Variants in CREB3L2 observed in about 807,000 individuals in gnomAD.
CREB3L2 encodes cAMP responsive element binding protein 3 like 2, also known as cyclic AMP-responsive element-binding protein 3-like protein 2.
In CREB3L2, 23 loss-of-function variants were observed where a neutral mutation model predicts 57.2. The ratio of observed to expected loss-of-function variants is 0.40; its 90% confidence interval spans 0.29 to 0.57. CREB3L2 has a LOEUF of 0.57. CREB3L2 is among the 20% of genes least tolerant of loss of function. CREB3L2 has a pLI of 0.42. For synonymous variants in CREB3L2, 268 were observed against 265.1 expected (o/e 1.01, Z -0.11); for missense variants, 628 against 634.7 (o/e 0.99, Z 0.11).
In CREB3L2 at chr7:137,985,713, GA is replaced by G. The variant is rs561766027; in HGVS notation, c.102+15890del. ...CTTGTCTTCCCTCTTGTAACTTAAA[GA>G]GTGCTAACACCTGCTGCCAACCCAC... On this transcript the variant is annotated intron_variant, in intron 1 of 11. Coordinates refer to ENST00000330387, the MANE Select transcript of CREB3L2 (RefSeq NM_194071.4). Among the ~76,000 whole-genome samples, 7 of 152,306 alleles carry G rather than the reference GA, an allele frequency of 4.6e-5. No homozygotes were observed. The South Asian group carries it at 1.5e-3, about 32-fold the overall frequency.
rs182595877 is a variant in CREB3L2 at position 137,887,376 on chromosome 7, C to T, written c.1044-1874G>A. The stretch of plus-strand genomic sequence containing the variant: ...GATAGGAGTGGTGGGTGAATTGGAG[C>T]AGCCCTCAGCACACAGAGTAGATGC... On this transcript the variant is annotated intron_variant, in intron 8 of 11. Transcript: ENST00000330387. 1.5e-3 allele frequency among the ~76,000 whole-genome samples: 225 copies of T among 152,240 alleles called. 5 individuals carry two copies. The East Asian group carries it at 0.037, about 25-fold the overall frequency.
intron 1 of CREB3L2, among the ~76,000 whole-genome samples, chr7:137,967,664 T>C (rs747213997): frequency 1.6e-4 from 25 of 152,300 alleles, no homozygotes; most frequent in Middle Eastern, 3.4e-3. Context: ...CCAAGCCCCA[T>C]GTCTCTGAAC....
rs575936992 is a variant in CREB3L2, at chr7:137,878,562, C to A, written c.*1914G>T. On this transcript the variant is annotated 3_prime_UTR_variant, in exon 12 of 12. Transcript: ENST00000330387. ...GAAGCAGAACCTACTAGCAACCCTCCTCCTGCACAGCTCAGACAGTCTCCG... is the reference window on the plus strand; with the variant it reads ...GAAGCAGAACCTACTAGCAACCCTCATCCTGCACAGCTCAGACAGTCTCCG... 1 of 233,448 alleles carries A rather than the reference C, an allele frequency of 4.3e-6. No individual in the cohort carries two copies. Among genetic ancestry groups the A allele is most frequent in the Non-Finnish European group, 8.4e-6 (1 of 118,364 alleles). The allele number at this position is 233,448 out of a possible 1,614,324, so 14.5% of individuals were successfully genotyped here.
chr7:137,912,269 C>T (rs577713389), intron 4 of CREB3L2, among the ~76,000 whole-genome samples: 21 of 151,426 alleles, frequency 1.4e-4, no homozygotes, highest in African/African-American at 5.1e-4. Flanking sequence ...TGCAGCTTCT[C>T]AGGAGGCTGA....
chr7:137,952,710 A>C (rs752913460), intron 1 of CREB3L2, among the ~76,000 whole-genome samples: 1 of 152,184 alleles, frequency 6.6e-6, no homozygotes, highest in Non-Finnish European at 1.5e-5. Flanking sequence ...CTAACTCTTA[A>C]GTTTTTCCTG....
intron 4 of CREB3L2, among the ~76,000 whole-genome samples, chr7:137,908,795 G>A (rs1170656308): frequency 1.3e-5 from 2 of 152,080 alleles, no homozygotes; most frequent in African/African-American, 2.4e-5. Context: ...CCAACATGGC[G>A]AAACCCCATC....
intron 2 of CREB3L2, 53 bp from the exon 3 acceptor site, chr7:137,916,065 A>G: frequency 1.4e-6 from 2 of 1,445,164 alleles, no homozygotes; most frequent in Non-Finnish European, 1.9e-6. Flanking sequence ...CATCAGGCAT[A>G]AGCAAAACAA....
intron 1 of CREB3L2, among the ~76,000 whole-genome samples, chr7:137,941,708 C>T (rs1159920035): frequency 3.9e-5 from 6 of 152,058 alleles, no homozygotes; most frequent in African/African-American, 7.2e-5. Flanking sequence ...AAATGAAGAA[C>T]CTGAAGTTAA....
intron 1 of CREB3L2, among the ~76,000 whole-genome samples, chr7:137,969,865 CA>C (rs1801478265): frequency 6.6e-6 from 1 of 151,680 alleles, no homozygotes; most frequent in Non-Finnish European, 1.5e-5. Flanking sequence ...TGGATTTAGT[CA>C]AATGATATAT....
chr7:137,914,719 T>C (rs1343155798), intron 3 of CREB3L2, among the ~76,000 whole-genome samples: 1 of 151,948 alleles, frequency 6.6e-6, no homozygotes, highest in Non-Finnish European at 1.5e-5. Context: ...ATAAAGAGAC[T>C]CAGGTAGCTA....
intron 1 of CREB3L2, among the ~76,000 whole-genome samples, chr7:137,960,664 T>C (rs1006812822): frequency 3.3e-5 from 5 of 152,288 alleles, no homozygotes; most frequent in Non-Finnish European, 5.9e-5. Context: ...GGGAACCATC[T>C]GAAATTCAAT....
intron 2 of CREB3L2, among the ~76,000 whole-genome samples, chr7:137,920,226 T>C (rs566537980): frequency 6.6e-6 from 1 of 152,358 alleles, no homozygotes; most frequent in Admixed American, 6.5e-5. Context: ...TGTGGCTTGA[T>C]GTACCATTGG....
chr7:137,983,265 A>G (rs562654198), intron 1 of CREB3L2, among the ~76,000 whole-genome samples: 14 of 152,284 alleles, frequency 9.2e-5, no homozygotes, highest in African/African-American at 3.4e-4. Flanking sequence ...ACACAGCCCC[A>G]GGACTGAGGA....
At chr7:137,940,986 C>T (rs1292906505) in intron 1 of CREB3L2, among the ~76,000 whole-genome samples, 1 of 152,196 alleles carries the variant, frequency 6.6e-6, no homozygotes, top group Non-Finnish European at 1.5e-5. Context: ...AAATGGGAGA[C>T]CAGGAAGGTT....
chr7:137,958,753 C>T (rs1258954614), intron 1 of CREB3L2, among the ~76,000 whole-genome samples: 1 of 152,194 alleles, frequency 6.6e-6, no homozygotes, highest in Non-Finnish European at 1.5e-5. Flanking sequence ...TCCAGGGCCA[C>T]CTGAAGAGCC....
intron 1 of CREB3L2, among the ~76,000 whole-genome samples, chr7:137,948,319 G>A (rs1801037854): frequency 6.6e-6 from 1 of 152,210 alleles, no homozygotes; most frequent in Admixed American, 6.5e-5. Flanking sequence ...ATTACATCAT[G>A]CTGAAACTCA....
At chr7:137,967,105 A>C (rs1801420285) in intron 1 of CREB3L2, among the ~76,000 whole-genome samples, 1 of 150,386 alleles carries the variant, frequency 6.6e-6, no homozygotes. Context: ...TCTCCTTCCC[A>C]CTCCTCTTTG....
chr7:137,893,689 A>G (rs368963412), intron 8 of CREB3L2, among the ~76,000 whole-genome samples: 3 of 152,246 alleles, frequency 2.0e-5, no homozygotes, highest in African/African-American at 7.2e-5. Flanking sequence ...GGAATCATAT[A>G]GAGATTGTCA....
chr7:137,946,045 C>T (rs1800967481), intron 1 of CREB3L2, among the ~76,000 whole-genome samples: 1 of 152,140 alleles, frequency 6.6e-6, no homozygotes, highest in South Asian at 2.1e-4. Context: ...AATCCCTCTG[C>T]TTTTATGCAA....
Sources: allele counts gnomAD v4.1 joint callset (sites outside exome capture counted in the v4.1 genomes callset), GRCh38; gene constraint gnomAD v4.1.1; transcripts MANE v1.5; gene names NCBI Gene and HGNC (gene_info 2026-07-23, HGNC 2026-07-21).